The following WDR90 variants were observed in gnomAD, a reference collection of about 807,000 sequenced individuals.
WDR90 encodes the protein WD repeat-containing protein 90.
Under a neutral mutation model 195.2 loss-of-function variants are expected in WDR90, and 238 were observed. The observed-to-expected ratio is 1.22, with a 90% CI of 1.10 to 1.36. The LOEUF is 1.36. WDR90 is among the 40% of genes most tolerant of loss of function. The probability of loss-of-function intolerance (pLI) is 0.00; values close to 1 mark genes in which losing one functional copy is unlikely to be tolerated. For missense variants in WDR90, 2,734 were observed against 2,439.5 expected, an observed-to-expected ratio of 1.12 and a Z score of -2.54; for synonymous variants, 1,265 against 1,052.4, an observed-to-expected ratio of 1.20 and a Z score of -3.91.
chr16:661,010 C>G lies in WDR90; in HGVS notation c.3392-41C>G, dbSNP rs754459075. Reference sequence around the variant, plus strand: ...CCCAGGCCCCTCCCCGCCCCCCCCCCCCCCCGGCCCGGCCTCAGGCCCCGC... The same window carrying G: ...CCCAGGCCCCTCCCCGCCCCCCCCCGCCCCCGGCCCGGCCTCAGGCCCCGC... On this transcript the variant is annotated intron_variant, in intron 28 of 40. Coordinates refer to ENST00000293879, the MANE Select transcript of WDR90 (RefSeq NM_145294.5). The G allele has an allele frequency of 1.0e-4, 13 of 126,928 alleles. 3 individuals are homozygous for G. The East Asian group carries it at 0.013, about 128-fold the overall frequency. The allele number at this position is 126,928 out of a possible 1,614,324, so 7.9% of individuals were successfully genotyped here.
intron 40 of WDR90, 70 bp from the exon 41 acceptor site, chr16:667,362 G>T: frequency 6.5e-7 from 1 of 1,537,106 alleles, no homozygotes. Flanking sequence ...GGACAGTCTG[G>T]GTGGGTTGGG....
chr16:663,325 C>T (rs970119202), intron 34 of WDR90: 7 of 317,154 alleles, frequency 2.2e-5, no homozygotes, highest in African/African-American at 1.3e-4. Flanking sequence ...GTAATCCCAG[C>T]TACTCTGGAG....
At chr16:659,188 C>A in intron 25 of WDR90, 57 bp from the exon 26 acceptor site, 1 of 1,610,470 alleles carries the variant, frequency 6.2e-7, no homozygotes, top group Non-Finnish European at 8.5e-7. Context: ...CGTCCTGTGT[C>A]TGCCTAGTGG....
At chr16:663,686 C>A in intron 34 of WDR90, 1 of 102,484 alleles carries the variant, frequency 9.8e-6, no homozygotes, top group Non-Finnish European at 1.7e-5. Context: ...CCAAGAAGTA[C>A]ACAGCACTCA....
At position 656,438 on chromosome 16, in the gene WDR90, C is replaced by G; in HGVS notation, c.2103C>G (p.Ala701=). 1 of 1,602,414 alleles carries G rather than the reference C, an allele frequency of 6.2e-7. No individual in the cohort carries two copies. Among genetic ancestry groups the G allele is most frequent in the South Asian group, 1.1e-5 (1 of 89,824 alleles). The change falls in exon 18 of 41, where the codon GCC becomes GCG. Residue 701 remains alanine (A), a synonymous_variant. Coordinates refer to ENST00000293879, the MANE Select transcript of WDR90 (RefSeq NM_145294.5). ...ACATGCTGGCTCGCTCCCACACCGC[C>G]CCGGTGTTGGCCCTCGCCATGGAGC... The part of the protein sequence containing the change: ...VYHMLARSHT[A]PVLALAMEQR...
intron 27 of WDR90, 72 bp from the exon 28 acceptor site, chr16:660,540 T>A: frequency 6.8e-7 from 1 of 1,463,818 alleles, no homozygotes. Context: ...CAACACAGCC[T>A]CCCATGTGCA....
At chr16:656,672 G>A in intron 18 of WDR90, 60 bp from the exon 19 acceptor site, 1 of 1,579,930 alleles carries the variant, frequency 6.3e-7, no homozygotes. Context: ...TGGGCCGCCT[G>A]GAGAGCCCCT....
At chr16:654,168 C>G (rs1380365814) in intron 13 of WDR90, 1 of 311,666 alleles carries the variant, frequency 3.2e-6, no homozygotes, top group Non-Finnish European at 5.9e-6. Context: ...GCCGAAGCAC[C>G]CGGCATCTTG....
intron 17 of WDR90, 94 bp from the exon 18 acceptor site, chr16:656,208 G>C: frequency 8.6e-7 from 1 of 1,158,746 alleles, no homozygotes. Flanking sequence ...GAGCAGCAGG[G>C]AGTGCATTTG....
At chr16:663,698 C>T (rs898667390) in intron 34 of WDR90, 1 of 39,730 alleles carries the variant, frequency 2.5e-5, no homozygotes, top group Non-Finnish European at 3.5e-5. Context: ...CAGCACTCAT[C>T]TCTCTGGGAC....
At chr16:661,279 A>C in intron 29 of WDR90, 63 bp from the exon 30 acceptor site, 2 of 1,533,236 alleles carry the variant, frequency 1.3e-6, no homozygotes, top group Non-Finnish European at 8.8e-7. Flanking sequence ...GCAGACGGCC[A>C]CCCCAGCCTC....
In WDR90 at chr16:658,859, C is replaced by T. The variant is rs373206489; in HGVS notation, c.2896-37C>T. On this transcript the variant is annotated intron_variant, in intron 23 of 40. Transcript: ENST00000293879. ...TGGGCACACGGCAGCATCCATGCCC[C>T]GCCTCGGGGTCCTGCATGTGACGCC... is the stretch of plus-strand genomic sequence containing the variant. The T allele has an allele frequency of 4.0e-5, 65 of 1,605,598 alleles. No homozygotes were observed. The African/African-American group carries it at 4.1e-4, about 10-fold the overall frequency.
At chr16:663,523 T>C (rs1005058563) in intron 34 of WDR90, 3 of 186,810 alleles carry the variant, frequency 1.6e-5, no homozygotes, top group African/African-American at 7.2e-5. Context: ...ATGGGATTGT[T>C]CTCTGAGGCT....
chr16:658,440 G>A lies in WDR90; in HGVS notation c.2767-85G>A, dbSNP rs1222979413. The stretch of plus-strand genomic sequence containing the variant: ...AGCCTCTCCAGCTGGGTGGGGGGCC[G>A]TCGCCACACCCACAACGAAGGGAGG... On this transcript the variant is annotated intron_variant, in intron 22 of 40. Transcript: ENST00000293879. 13 of 1,575,458 alleles carry A rather than the reference G, an allele frequency of 8.3e-6. 1 individual carries two copies. The highest frequency in any genetic ancestry group is 3.5e-5 in the South Asian group (3 of 86,198).
Position 667,615 on chromosome 16 carries a change from G to T in WDR90, c.*26G>T. The T allele has an allele frequency of 1.9e-6, 3 of 1,602,300 alleles. No individual in the cohort carries two copies. The highest frequency in any genetic ancestry group is 2.5e-6 in the Non-Finnish European group (3 of 1,179,746). ...GATGCAGCAGGGACTGTGGTGGTGG[G>T]CATCACGCCTGGTCATGCCAGGCAC... On this transcript the variant is annotated 3_prime_UTR_variant, in exon 41 of 41. Coordinates refer to ENST00000293879, the MANE Select transcript of WDR90 (RefSeq NM_145294.5).
In WDR90 at chr16:658,597, G is replaced by A. The variant is rs142498602; in HGVS notation, c.2839G>A (p.Ala947Thr). The A allele has an allele frequency of 4.6e-4, 739 of 1,612,670 alleles. 4 individuals are homozygous for A. The African/African-American group carries it at 8.6e-3, about 19-fold the overall frequency. ...GGACGCCCGCTTCCTGCTGATTGCC[G>A]CCGGCCGGACCATCAAGGTGTGGGA... The part of the protein sequence containing the change: ...SEDARFLLIA[A>T]GRTIKVWDYA... The change falls in exon 23 of 41, where the codon GCC (alanine) becomes ACC (threonine). Residue 947 changes from alanine (A) to threonine (T), a missense_variant. By Grantham distance (58) the Ala-to-Thr change is moderately conservative (BLOSUM62 0). Transcript: ENST00000293879.
At position 655,769 on chromosome 16, in the gene WDR90, C is replaced by T. The variant is rs1425863837; in HGVS notation, c.1850-4C>T. 6.3e-7 allele frequency: 1 copy of T among 1,585,008 alleles called. No individual in the cohort carries two copies. The stretch of plus-strand genomic sequence containing the variant: ...CCGAGGCACTGACGCCTCCCTGCCC[C>T]CAGGCCCCGGCATTGCCATCAGCAG... On this transcript the variant is annotated splice_polypyrimidine_tract_variant and splice_region_variant and intron_variant, in intron 16 of 40. Transcript: ENST00000293879.
Position 652,545 on chromosome 16 carries a change from C to T in WDR90, c.1122+10C>T. On this transcript the variant is annotated intron_variant, in intron 10 of 40. Coordinates refer to ENST00000293879, the MANE Select transcript of WDR90 (RefSeq NM_145294.5). ...CCACGGCACCAGACAGGTGAGGCTCCTGCGGCTGTGTCCAGAGCAGCTCTC... is the reference window on the plus strand; with the variant it reads ...CCACGGCACCAGACAGGTGAGGCTCTTGCGGCTGTGTCCAGAGCAGCTCTC... The T allele has an allele frequency of 6.2e-7, 1 of 1,604,248 alleles. No individual in the cohort carries two copies. The highest frequency in any genetic ancestry group is 8.5e-7 in the Non-Finnish European group (1 of 1,174,796).
chr16:665,905 C>T, intron 35 of WDR90, 45 bp from the exon 36 acceptor site: 4 of 1,561,918 alleles, frequency 2.6e-6, no homozygotes, highest in Non-Finnish European at 8.7e-7. Flanking sequence ...TGTGTGTCCT[C>T]AGGGCCCCTG....
Sources: gnomAD v4.1 joint callset for allele counts on GRCh38, gnomAD v4.1.1 for gene constraint, MANE v1.5 for transcripts, NCBI Gene and HGNC (gene_info 2026-07-23, HGNC 2026-07-21) for gene names.